GNAL: variants seen among roughly 807,000 people sequenced by gnomAD.
The protein encoded by GNAL is G protein subunit alpha L, also known as guanine nucleotide-binding protein G(olf) subunit alpha.
GNAL carries 18 observed loss-of-function variants against 55.1 expected under a neutral mutation model. The ratio of observed to expected loss-of-function variants is 0.33; its 90% CI spans 0.23 to 0.48. The LOEUF (loss-of-function observed/expected upper bound fraction) is 0.48. Among genes scored for constraint, GNAL ranks in the 20% least tolerant of loss-of-function variants. The probability of loss-of-function intolerance (pLI) is 0.99; values close to 1 mark genes in which losing one functional copy is unlikely to be tolerated. For missense variants in GNAL, 412 were observed against 614.1 expected, an observed-to-expected ratio of 0.67 and a Z score of 3.48; for synonymous variants, 253 against 237.0, an observed-to-expected ratio of 1.07 and a Z score of -0.62.
intron 1 of GNAL, among the ~76,000 whole-genome samples, chr18:11,697,941 A>G (rs977959190): frequency 2.0e-5 from 3 of 152,178 alleles, no homozygotes; most frequent in Non-Finnish European, 2.9e-5. Flanking sequence ...ACCCAGAGTC[A>G]TTAGTGCACT....
chr18:11,832,095 A>G (rs2035395798), intron 5 of GNAL, among the ~76,000 whole-genome samples: 1 of 152,184 alleles, frequency 6.6e-6, no homozygotes, highest in Non-Finnish European at 1.5e-5. Context: ...CATTTCCTCT[A>G]AGTCCTAATA....
chr18:11,860,977 T>A (rs1305535266), intron 5 of GNAL, among the ~76,000 whole-genome samples: 1 of 152,204 alleles, frequency 6.6e-6, no homozygotes, highest in Non-Finnish European at 1.5e-5. Context: ...TCTGAACCGT[T>A]TCGTCTCCCT....
chr18:11,868,612 C>A lies in GNAL; in HGVS notation c.980C>A (p.Thr327Asn). Reference protein sequence around the residue: ...YNMVIREDNNTNRLRESLDLF... With the variant: ...YNMVIREDNNNNRLRESLDLF... The stretch of plus-strand genomic sequence containing the variant: ...ATGGTGATTCGAGAAGATAACAACA[C>A]CAACAGGCTGAGAGAGTCCCTGGAT... Residue 327 changes from threonine (T) to asparagine (N), a missense_variant, in exon 9 of 12, where the codon ACC (threonine) becomes AAC (asparagine). Thr to Asn is a moderately conservative substitution (Grantham distance 65). Around this residue, in one of 5 missense-constraint regions of GNAL, gnomAD observed 53 missense variants for 182.7 expected, o/e 0.29. Transcript: ENST00000334049. The surrounding 1 kb of genome is among the most constrained non-coding windows in gnomAD (Gnocchi z 4.0). The A allele has an allele frequency of 6.2e-7, 1 of 1,612,112 alleles. No individual in the cohort carries two copies. Among genetic ancestry groups the A allele is most frequent in the Non-Finnish European group, 8.5e-7 (1 of 1,178,596 alleles).
chr18:11,796,600 A>AAAAAAAAAC (rs1210327904), intron 4 of GNAL, among the ~76,000 whole-genome samples: 10 of 149,776 alleles, frequency 6.7e-5, no homozygotes, highest in African/African-American at 1.7e-4. Context: ...AAAAAACAAA[A>AAAAAAAAAC]CACGCAACCT....
chr18:11,819,955 A>G (rs758006258), intron 4 of GNAL, among the ~76,000 whole-genome samples: 12 of 151,296 alleles, frequency 7.9e-5, no homozygotes, highest in Non-Finnish European at 1.6e-4. Flanking sequence ...AAGAAGTGGA[A>G]CTTATAAAAA....
chr18:11,734,966 A>G (rs969614002), intron 1 of GNAL, among the ~76,000 whole-genome samples: 4 of 145,996 alleles, frequency 2.7e-5, no homozygotes, highest in African/African-American at 1.0e-4. Context: ...AGATAAAGAG[A>G]AAGGCTGGAC....
At chr18:11,875,853 A>G (rs4375728) in intron 10 of GNAL, among the ~76,000 whole-genome samples, 7,777 of 152,304 alleles carry the variant, frequency 0.051, 644 homozygotes, top group African/African-American at 0.17. Context: ...CTGGAGGCTG[A>G]AATGTCAAAG....
chr18:11,809,186 A>G (rs1054933786), intron 4 of GNAL, among the ~76,000 whole-genome samples: 1 of 152,204 alleles, frequency 6.6e-6, no homozygotes. Flanking sequence ...TAAACCTGGG[A>G]AGCGGAAGTT....
intron 1 of GNAL, among the ~76,000 whole-genome samples, chr18:11,738,676 T>C (rs965141789): frequency 1.3e-5 from 2 of 152,132 alleles, no homozygotes; most frequent in South Asian, 4.1e-4. Context: ...CTCGAACTCC[T>C]GGCCTCAAGT....
intron 1 of GNAL, among the ~76,000 whole-genome samples, chr18:11,717,211 G>A (rs944372904): frequency 2.6e-5 from 4 of 152,248 alleles, no homozygotes; most frequent in African/African-American, 9.6e-5. Context: ...TCCCAGTGCG[G>A]GGTCCGCGGA....
At chr18:11,878,151 G>A (rs1335334217) in intron 11 of GNAL, among the ~76,000 whole-genome samples, 1 of 152,204 alleles carries the variant, frequency 6.6e-6, no homozygotes, top group African/African-American at 2.4e-5. Context: ...GCATTTAAAT[G>A]AAGATTAGAA....
At chr18:11,807,432 C>T (rs2034694325) in intron 4 of GNAL, among the ~76,000 whole-genome samples, 1 of 152,164 alleles carries the variant, frequency 6.6e-6, no homozygotes, top group Non-Finnish European at 1.5e-5. Context: ...GTGCGAGAAT[C>T]AGAATCTGGA....
At chr18:11,759,156 G>A (rs1481044429) in intron 4 of GNAL, among the ~76,000 whole-genome samples, 1 of 151,494 alleles carries the variant, frequency 6.6e-6, no homozygotes, top group African/African-American at 2.4e-5. Flanking sequence ...CTGGGCAACA[G>A]AGCGAGACTC....
chr18:11,750,357 G>T (rs2032788016), intron 1 of GNAL, among the ~76,000 whole-genome samples: 1 of 152,146 alleles, frequency 6.6e-6, no homozygotes, highest in South Asian at 2.1e-4. Flanking sequence ...GGGGACGGTG[G>T]TGGTCAGCAG....
chr18:11,695,922 G>GCACGCA (rs968123360), intron 1 of GNAL, among the ~76,000 whole-genome samples: 3 of 136,044 alleles, frequency 2.2e-5, no homozygotes, highest in African/African-American at 9.2e-5. Context: ...ATGCACGCAT[G>GCACGCA]CACACACACA....
At chr18:11,869,138 T>G (rs1262625486) in intron 9 of GNAL, among the ~76,000 whole-genome samples, 10 of 137,626 alleles carry the variant, frequency 7.3e-5, no homozygotes, top group Admixed American at 6.8e-4. Context: ...GGAATATTTT[T>G]TTTTATTATT....
At chr18:11,765,557 C>T (rs1048150673) in intron 4 of GNAL, among the ~76,000 whole-genome samples, 1 of 152,162 alleles carries the variant, frequency 6.6e-6, no homozygotes, top group African/African-American at 2.4e-5. Flanking sequence ...ATTCTCTCTT[C>T]ACCCACCTCC....
intron 10 of GNAL, among the ~76,000 whole-genome samples, 179 bp from the exon 11 acceptor site, chr18:11,876,442 A>G (rs2036533612): frequency 2.0e-5 from 3 of 152,264 alleles, no homozygotes; most frequent in South Asian, 4.1e-4. Context: ...CAGCCTGGGC[A>G]AGAGAGTGAG....
chr18:11,844,295 G>C (rs535001511), intron 5 of GNAL, among the ~76,000 whole-genome samples: 2 of 151,626 alleles, frequency 1.3e-5, no homozygotes, highest in African/African-American at 2.4e-5. Flanking sequence ...TTAGCTGGGC[G>C]TGGTGGCGGG....
Sources: allele counts gnomAD v4.1 joint callset (sites outside exome capture counted in the v4.1 genomes callset), GRCh38; gene constraint gnomAD v4.1.1; regional missense constraint gnomAD v4.1.1; non-coding constraint Gnocchi (gnomAD v3.1); transcripts MANE v1.5; gene names NCBI Gene and HGNC (gene_info 2026-07-23, HGNC 2026-07-21).